Variants in SMYD3 observed in about 807,000 individuals in gnomAD.
SMYD3 encodes histone-lysine N-methyltransferase SMYD3.
A neutral mutation model predicts 57.7 loss-of-function variants in SMYD3; 36 were observed. The ratio of observed to expected loss-of-function variants is 0.62; its 90% CI spans 0.48 to 0.82. The LOEUF (loss-of-function observed/expected upper bound fraction) is 0.82. Ranked by LOEUF, SMYD3 falls within the 40% of genes least tolerant of loss-of-function variation. The probability of loss-of-function intolerance (pLI) is 0.00; values close to 1 mark genes in which losing one functional copy is unlikely to be tolerated. For synonymous variants in SMYD3, 211 were observed against 195.0 expected (o/e 1.08, Z -0.68); for missense variants, 515 against 538.8 (o/e 0.96, Z 0.44).
intron 10 of SMYD3, among the ~76,000 whole-genome samples, chr1:245,853,538 C>A (rs1309333519): frequency 1.3e-5 from 2 of 152,186 alleles, no homozygotes; most frequent in African/African-American, 2.4e-5. Context: ...GCGCTCAGGT[C>A]TTCCCACTAT....
intron 5 of SMYD3, among the ~76,000 whole-genome samples, chr1:245,939,968 A>T (rs2057158321): frequency 6.6e-6 from 1 of 152,084 alleles, no homozygotes; most frequent in East Asian, 1.9e-4. Flanking sequence ...TGCCGGGGAG[A>T]CTGGGTGGTT....
intron 5 of SMYD3, among the ~76,000 whole-genome samples, chr1:245,952,647 CT>C (rs1411401728): frequency 6.6e-6 from 1 of 152,162 alleles, no homozygotes; most frequent in Non-Finnish European, 1.5e-5. Context: ...CCAAATGCTC[CT>C]GTTAATGGCA....
intron 5 of SMYD3, among the ~76,000 whole-genome samples, chr1:246,031,646 A>G (rs1276233998): frequency 1.3e-5 from 2 of 151,964 alleles, no homozygotes; most frequent in Admixed American, 1.3e-4. Flanking sequence ...CTGAGGCAGG[A>G]GAATCGCTTG....
At chr1:246,469,402 C>T (rs554260700) in intron 1 of SMYD3, among the ~76,000 whole-genome samples, 3 of 152,314 alleles carry the variant, frequency 2.0e-5, no homozygotes, top group African/African-American at 7.2e-5. Context: ...TGAAACCAGG[C>T]TGAGAAGGCA....
At chr1:245,930,413 G>A (rs1216649464) in intron 5 of SMYD3, 2 of 333,560 alleles carry the variant, frequency 6.0e-6, no homozygotes, top group East Asian at 8.0e-5. Flanking sequence ...TCCCGTGACT[G>A]AGCCTGTCGT....
intron 1 of SMYD3, among the ~76,000 whole-genome samples, chr1:246,462,298 C>T (rs893374863): frequency 4.2e-5 from 5 of 120,198 alleles, no homozygotes; most frequent in Admixed American, 1.7e-4. Flanking sequence ...CATCCTCTCG[C>T]GGGGCCTGCT....
intron 5 of SMYD3, among the ~76,000 whole-genome samples, chr1:246,035,771 C>T (rs991571992): frequency 1.3e-5 from 2 of 151,886 alleles, no homozygotes; most frequent in African/African-American, 2.4e-5. Context: ...CAAATCTTGC[C>T]CAGAAAAAAA....
intron 5 of SMYD3, among the ~76,000 whole-genome samples, chr1:246,105,393 T>C (rs947246978): frequency 3.9e-5 from 6 of 152,072 alleles, no homozygotes; most frequent in African/African-American, 1.4e-4. Flanking sequence ...GCACTAAAAA[T>C]GAACAATGAT....
At chr1:246,333,253 T>C (rs977735860) in intron 3 of SMYD3, among the ~76,000 whole-genome samples, 4 of 152,230 alleles carry the variant, frequency 2.6e-5, no homozygotes, top group African/African-American at 9.6e-5. Context: ...AAGACTTCAG[T>C]AGAGGAAGTA....
At chr1:246,128,067 T>C (rs552412250) in intron 5 of SMYD3, among the ~76,000 whole-genome samples, 17 of 152,262 alleles carry the variant, frequency 1.1e-4, no homozygotes, top group South Asian at 1.0e-3. Flanking sequence ...AGGGTAGAAA[T>C]GTAGGCGTAA....
chr1:245,776,894 G>C (rs148110448), intron 10 of SMYD3, among the ~76,000 whole-genome samples: 6 of 152,202 alleles, frequency 3.9e-5, no homozygotes, highest in Non-Finnish European at 8.8e-5. Flanking sequence ...GGACACAGCC[G>C]TGTCTATTCA....
At position 245,968,861 on chromosome 1, in the gene SMYD3, A is replaced by C. The variant is rs76112398; in HGVS notation, c.532-38924T>G. Among the ~76,000 whole-genome samples the C allele has an allele frequency of 4.1e-3, 628 of 152,238 alleles. 3 individuals carry two copies. The highest frequency in any genetic ancestry group is 0.014 in the African/African-American group (570 of 41,530). On this transcript the variant is annotated intron_variant, in intron 5 of 11. Coordinates refer to ENST00000490107, the MANE Select transcript of SMYD3 (RefSeq NM_001167740.2). ...GTGTCTTTCTCCTGTGCCGTTCATC[A>C]GTGGAGGCTTAGTTCCCAGTGCTGG...
At chr1:246,323,374 G>C (rs577817615) in intron 5 of SMYD3, among the ~76,000 whole-genome samples, 10 of 152,120 alleles carry the variant, frequency 6.6e-5, no homozygotes, top group Non-Finnish European at 1.2e-4. Context: ...ACAAGTAACA[G>C]AAGAAATTTT....
At chr1:245,786,481 C>T (rs1047405346) in intron 10 of SMYD3, among the ~76,000 whole-genome samples, 1 of 152,066 alleles carries the variant, frequency 6.6e-6, no homozygotes, top group Non-Finnish European at 1.5e-5. Flanking sequence ...GGGCTGAGAT[C>T]GGAACTCAGC....
intron 10 of SMYD3, among the ~76,000 whole-genome samples, chr1:245,787,673 A>G (rs2047101837): frequency 6.6e-6 from 1 of 152,188 alleles, no homozygotes; most frequent in Admixed American, 6.5e-5. Context: ...ACAGGTGTTA[A>G]TGATTAATAA....
intron 11 of SMYD3, among the ~76,000 whole-genome samples, chr1:245,761,201 C>T (rs1331758928): frequency 6.6e-6 from 1 of 152,156 alleles, no homozygotes; most frequent in Non-Finnish European, 1.5e-5. Context: ...TCTGATGCTG[C>T]TCCCAGAATA....
chr1:246,224,333 G>A (rs1317370716), intron 5 of SMYD3, among the ~76,000 whole-genome samples: 2 of 152,024 alleles, frequency 1.3e-5, no homozygotes, highest in Admixed American at 6.6e-5. Context: ...ACAAGCACAG[G>A]AATTAGCAAC....
At chr1:245,970,944 T>A (rs1306028786) in intron 5 of SMYD3, among the ~76,000 whole-genome samples, 1 of 152,234 alleles carries the variant, frequency 6.6e-6, no homozygotes, top group African/African-American at 2.4e-5. Flanking sequence ...ATCCCATTAC[T>A]GGGTATATAC....
chr1:246,248,214 C>T (rs564567315), intron 5 of SMYD3, among the ~76,000 whole-genome samples: 2 of 152,258 alleles, frequency 1.3e-5, no homozygotes, highest in Admixed American at 6.5e-5. Context: ...ATGACAAGAA[C>T]TGATGATGTA....
Sources: allele counts gnomAD v4.1 joint callset (sites outside exome capture counted in the v4.1 genomes callset), GRCh38; gene constraint gnomAD v4.1.1; transcripts MANE v1.5; gene names NCBI Gene and HGNC (gene_info 2026-07-23, HGNC 2026-07-21).